Variants in TCF20 observed in about 807,000 individuals in gnomAD.
TCF20 encodes the protein transcription factor 20, also known as SPRE-binding protein.
In TCF20, 3 loss-of-function variants were observed where a neutral mutation model predicts 148.6. That is an observed-to-expected ratio of 0.02 (90% CI 0.01 to 0.05). The LOEUF is 0.05. Ranked by LOEUF, TCF20 falls within the 10% of genes least tolerant of loss-of-function variation. The pLI is 1.00. For synonymous variants in TCF20, 1,049 were observed against 909.5 expected (o/e 1.15, Z -2.76); for missense variants, 2,350 against 2,429.3 (o/e 0.97, Z 0.69).
intron 1 of TCF20, among the ~76,000 whole-genome samples, chr22:42,301,246 G>A (rs1310292481): frequency 6.6e-6 from 1 of 152,166 alleles, no homozygotes; most frequent in Non-Finnish European, 1.5e-5. Flanking sequence ...TTCACTATGG[G>A]GCTGTCAGGA....
At chr22:42,226,993 ATTT>A (rs1486360016) in intron 1 of TCF20, among the ~76,000 whole-genome samples, 3 of 152,198 alleles carry the variant, frequency 2.0e-5, no homozygotes, top group Non-Finnish European at 4.4e-5. Context: ...TTAAAAAATA[ATTT>A]TTAAGACTGG....
At chr22:42,266,385 A>G (rs1926287920) in intron 1 of TCF20, among the ~76,000 whole-genome samples, 1 of 152,232 alleles carries the variant, frequency 6.6e-6, no homozygotes, top group African/African-American at 2.4e-5. Flanking sequence ...TCCTGCCTAT[A>G]TGAAAGGTAG....
chr22:42,183,529 G>T (rs920083381), intron 2 of TCF20, among the ~76,000 whole-genome samples: 2 of 152,156 alleles, frequency 1.3e-5, no homozygotes, highest in Non-Finnish European at 2.9e-5. Context: ...GAAGGGACAG[G>T]GCGGCAGCTG....
chr22:42,161,434 A>T, intron 5 of TCF20, 76 bp from the exon 6 acceptor site: 3 of 1,602,734 alleles, frequency 1.9e-6, no homozygotes, highest in Non-Finnish European at 2.6e-6. Flanking sequence ...GTTCCGTGGT[A>T]CCCCTGGGAG....
Position 42,212,311 on chromosome 22 carries a change from C to G in TCF20, c.2995G>C (p.Glu999Gln). The G allele has an allele frequency of 6.2e-7, 1 of 1,614,202 alleles. No homozygotes were observed. Among genetic ancestry groups the G allele is most frequent in the Non-Finnish European group, 8.5e-7 (1 of 1,180,030 alleles). The stretch of plus-strand genomic sequence containing the variant: ...GAAGGGGACCGACCCCTCATGCCCT[C>G]CCGACCACCAACTCTGCCAGGGACC... ...RRVPGRVGGR[E>Q]GMRGRSPSQY... The change falls in exon 2 of 6, where the codon GAG becomes CAG. Residue 999 changes from glutamate (E) to glutamine (Q), a missense_variant. Transcript: ENST00000677622.
At chr22:42,294,308 C>T (rs540849248) in intron 1 of TCF20, among the ~76,000 whole-genome samples, 28 of 152,256 alleles carry the variant, frequency 1.8e-4, no homozygotes, top group Non-Finnish European at 3.5e-4. Flanking sequence ...GCCCCCTCTC[C>T]CGGAGGACAG....
intron 5 of TCF20, among the ~76,000 whole-genome samples, chr22:42,164,212 C>CTTTTTTT (rs56079117): frequency 9.6e-5 from 8 of 83,556 alleles, no homozygotes; most frequent in African/African-American, 2.9e-4. Flanking sequence ...TCATTTCTTT[C>CTTTTTTT]TTTTTTTTTT....
chr22:42,256,244 T>C (rs1307014400), intron 1 of TCF20, among the ~76,000 whole-genome samples: 1 of 152,232 alleles, frequency 6.6e-6, no homozygotes, highest in Non-Finnish European at 1.5e-5. Context: ...TTTTCCATAT[T>C]GGACTCTCCC....
In TCF20 at chr22:42,214,896, C is replaced by T. The variant is rs1156699069; in HGVS notation, c.410G>A (p.Gly137Asp). ...GCCAGAGTGCTGTGCTTGAAACTGG[C>T]CCACATGACCCTCACTCCCATACTG... ...GNQYGSEGHV[G>D]QFQAQHSGLG... is the part of the protein sequence containing the mutation. Residue 137 changes from glycine to aspartate, a missense_variant, in exon 2 of 6, where the codon GGC (glycine) becomes GAC (aspartate). Gly to Asp is a moderately conservative substitution (Grantham distance 94). Coordinates refer to ENST00000677622, the MANE Select transcript of TCF20 (RefSeq NM_001378418.1). 7 of 1,614,182 alleles carry T rather than the reference C, an allele frequency of 4.3e-6. No homozygotes were observed. Among genetic ancestry groups the T allele is most frequent in the Non-Finnish European group, 5.9e-6 (7 of 1,180,024 alleles).
Position 42,212,058 on chromosome 22 carries a change from A to G in TCF20, c.3248T>C (p.Leu1083Pro), listed in dbSNP as rs1569147986. 6.2e-7 allele frequency: 1 copy of G among 1,614,132 alleles called. No homozygotes were observed. The highest frequency in any genetic ancestry group is 8.5e-7 in the Non-Finnish European group (1 of 1,180,024). Residue 1083 changes from leucine to proline, a missense_variant, in exon 2 of 6, where the codon CTG becomes CCG. Coordinates refer to ENST00000677622, the MANE Select transcript of TCF20 (RefSeq NM_001378418.1). Reference protein sequence around the residue: ...GDPNAGLNSQLHYKRQMYQQQ... With the variant: ...GDPNAGLNSQPHYKRQMYQQQ... Reference sequence around the variant, plus strand: ...TTGGTACATCTGTCTCTTATAATGCAGCTGAGAATTCAAACCTGCGTTAGG... The same window carrying G: ...TTGGTACATCTGTCTCTTATAATGCGGCTGAGAATTCAAACCTGCGTTAGG...
At chr22:42,321,096 G>A (rs183812296) in intron 1 of TCF20, among the ~76,000 whole-genome samples, 38 of 152,370 alleles carry the variant, frequency 2.5e-4, no homozygotes, top group Middle Eastern at 3.4e-3. Flanking sequence ...TGTAAAAGCC[G>A]CGCGCAAGCA....
chr22:42,343,524 C>A (rs1047434700), exon 1 of TCF20: 1 of 147,540 alleles, frequency 6.8e-6, no homozygotes, highest in African/African-American at 2.4e-5. Context: ...AGAGCCCGGG[C>A]AGCGGGGCCG....
chr22:42,178,718 G>T (rs1936592953), intron 3 of TCF20, among the ~76,000 whole-genome samples: 1 of 151,102 alleles, frequency 6.6e-6, no homozygotes, highest in African/African-American at 2.4e-5. Flanking sequence ...GAGTAGCTGG[G>T]ACTATAGGTG....
upstream of TCF20, among the ~76,000 whole-genome samples, chr22:42,272,738 T>C (rs370581733): frequency 6.6e-6 from 1 of 152,234 alleles, no homozygotes; most frequent in Non-Finnish European, 1.5e-5. Flanking sequence ...CTTTCTCTTT[T>C]GGTTCCATCT....
rs533234917 is a variant in TCF20, at chr22:42,227,616, G to C, written c.-36-12275C>G. On this transcript the variant is annotated intron_variant, in intron 1 of 5. Transcript: ENST00000677622. ...GTCCCAACAATGTCTTTCCTTTCTA[G>C]TCCAGGAGTCTACCCCAGAGCTACA... Among the ~76,000 whole-genome samples, 8 of 152,224 alleles carry C rather than the reference G, an allele frequency of 5.3e-5. No homozygotes were observed. The South Asian group carries it at 1.2e-3, about 24-fold the overall frequency.
chr22:42,177,515 A>G (rs187958805), intron 3 of TCF20, among the ~76,000 whole-genome samples: 26 of 152,352 alleles, frequency 1.7e-4, no homozygotes, highest in African/African-American at 5.3e-4. Flanking sequence ...CTAAAAGTCT[A>G]GAGTAAGAAA....
chr22:42,217,327 T>TC (rs753650769), intron 1 of TCF20, among the ~76,000 whole-genome samples: 21 of 152,320 alleles, frequency 1.4e-4, no homozygotes, highest in African/African-American at 2.6e-4. Flanking sequence ...TAGCTTGCTC[T>TC]CCTTCCAGTC....
At chr22:42,319,969 C>T (rs1356179323) in intron 1 of TCF20, among the ~76,000 whole-genome samples, 1 of 152,270 alleles carries the variant, frequency 6.6e-6, no homozygotes, top group East Asian at 1.9e-4. Context: ...GATCCTGCCC[C>T]ACTGCTCTAC....
chr22:42,253,902 C>T lies in TCF20; in HGVS notation c.-37+16437G>A, dbSNP rs928658973. Among the ~76,000 whole-genome samples the T allele has an allele frequency of 2.0e-5, 3 of 152,068 alleles. 1 individual carries two copies. In the South Asian group the frequency reaches 6.2e-4, roughly 32 times the overall value. Reference sequence around the variant, plus strand: ...GACCAGCCTGACCAACATGGAGAAACCCTGTCTCTACTAAAAATACAAAAT... The same window carrying T: ...GACCAGCCTGACCAACATGGAGAAATCCTGTCTCTACTAAAAATACAAAAT... On this transcript the variant is annotated intron_variant, in intron 1 of 5. Coordinates refer to ENST00000677622, the MANE Select transcript of TCF20 (RefSeq NM_001378418.1).
Sources: gnomAD v4.1 joint callset for allele counts (sites outside exome capture counted in the v4.1 genomes callset) on GRCh38, gnomAD v4.1.1 for gene constraint, MANE v1.5 for transcripts, NCBI Gene and HGNC (gene_info 2026-07-23, HGNC 2026-07-21) for gene names.